Variants in MTA2 observed in about 807,000 individuals in gnomAD.
MTA2 encodes the protein metastasis associated 1 family member 2.
MTA2 carries 22 observed loss-of-function variants against 87.1 expected under a neutral mutation model. The observed-to-expected ratio is 0.25, with a 90% CI of 0.18 to 0.36. The LOEUF (loss-of-function observed/expected upper bound fraction) is 0.36. MTA2 is among the 10% of genes least tolerant of loss of function. The pLI is 1.00. For synonymous variants in MTA2, 314 were observed against 310.1 expected (o/e 1.01, Z -0.13); for missense variants, 542 against 853.2 (o/e 0.64, Z 4.54).
chr11:62,597,577 CCAG>C (rs1565044911), intron 7 of MTA2, 30 bp downstream of exon 7: 4 of 1,595,422 alleles, frequency 2.5e-6, no homozygotes, highest in Non-Finnish European at 3.4e-6. Flanking sequence ...CACACCTCCC[CCAG>C]CCCATCTTCC....
chr11:62,598,286 T>C (rs1338235031), intron 5 of MTA2, 41 bp downstream of exon 5: 3 of 1,602,418 alleles, frequency 1.9e-6, no homozygotes, highest in East Asian at 4.5e-5. Context: ...TTGCGGGCAA[T>C]ACCCATTCCC....
rs1423999876 is a variant in MTA2 at position 62,595,912 on chromosome 11, G to A, written c.1115-21C>T. ...TGTGGCTGTAGAGTACGGAGAGGAG[G>A]GGGACAGGGAAGAAGCATACTACCT... On this transcript the variant is annotated intron_variant, in intron 12 of 17. Coordinates refer to ENST00000278823, the MANE Select transcript of MTA2 (RefSeq NM_004739.4). This position sits in a 1 kb window ranked among gnomAD's most constrained non-coding sequence, Gnocchi z 4.9. 11 of 1,614,080 alleles carry A rather than the reference G, an allele frequency of 6.8e-6. No individual in the cohort carries two copies. The highest frequency in any genetic ancestry group is 3.3e-4 in the Middle Eastern group (2 of 6,062).
chr11:62,601,537 G>A lies in MTA2; in HGVS notation c.-87C>T, dbSNP rs986573682. On this transcript the variant is annotated 5_prime_UTR_variant, in exon 1 of 18. Coordinates refer to ENST00000278823, the MANE Select transcript of MTA2 (RefSeq NM_004739.4). ...CTCGGCTCGAGGCAAAGCCCCGAAC[G>A]GTGGGCTGCCGCTTCGAGGGAGTCT... 1.0e-5 allele frequency: 15 copies of A among 1,483,866 alleles called. No homozygotes were observed. The highest frequency in any genetic ancestry group is 1.4e-5 in the Non-Finnish European group (15 of 1,104,692). The allele number at this position is 1,483,866 out of a possible 1,614,324, so 91.9% of individuals were successfully genotyped here. A position where few individuals can be genotyped will look rare whatever the true frequency, so the allele number is the denominator to read the frequency against.
At position 62,597,653 on chromosome 11, in the gene MTA2, G is replaced by A. The variant is rs1431591808; in HGVS notation, c.550C>T (p.Pro184Ser). Residue 184 changes from proline (P) to serine (S), a missense_variant, in exon 7 of 18, where the codon CCT (proline) becomes TCT (serine). This residue lies in a region of MTA2 where 150 missense variants were observed against 243.9 expected (regional missense o/e 0.62). Transcript: ENST00000278823. ...TGGTCGATCTGCCGGTCTGTGAGAG[G>A]GTTGTCTGGGTCCCAGACCTTCATC... ...MEMKVWDPDN[P>S]LTDRQIDQFL... 6.2e-7 allele frequency: 1 copy of A among 1,614,054 alleles called. No individual in the cohort carries two copies. The highest frequency in any genetic ancestry group is 1.7e-5 in the Admixed American group (1 of 59,996).
In MTA2 at chr11:62,593,553, AG is replaced by A. The variant is rs1565042582; in HGVS notation, c.*321del. On this transcript the variant is annotated 3_prime_UTR_variant, in exon 18 of 18. Coordinates refer to ENST00000278823, the MANE Select transcript of MTA2 (RefSeq NM_004739.4). Reference sequence around the variant, plus strand: ...TTCCCCTCCCCATCCCCTTTCACAAAGGGAGGCAAAATTTTTAAAAAATTAA... The same window carrying A: ...TTCCCCTCCCCATCCCCTTTCACAAAGGAGGCAAAATTTTTAAAAAATTAA... 1 of 210,070 alleles carries A rather than the reference AG, an allele frequency of 4.8e-6. No homozygotes were observed. Among genetic ancestry groups the A allele is most frequent in the East Asian group, 1.4e-4 (1 of 7,220 alleles). 13.0% of individuals were successfully genotyped at this position (210,070 alleles called of 1,614,324 possible).
rs888266443 is a variant in MTA2 at position 62,594,630 on chromosome 11, G to A, written c.1578C>T (p.Ala526=). 1 of 1,613,108 alleles carries A rather than the reference G, an allele frequency of 6.2e-7. No homozygotes were observed. Among genetic ancestry groups the A allele is most frequent in the Non-Finnish European group, 8.5e-7 (1 of 1,179,714 alleles). Reference sequence around the variant, plus strand: ...GTGTTTTTGGTTTCAGGGGTGCCTGGGCCACTGGAAAAAAACAGAAAACTT... The same window carrying A: ...GTGTTTTTGGTTTCAGGGGTGCCTGAGCCACTGGAAAAAAACAGAAAACTT... The part of the protein sequence containing the change: ...PLATIVKDLV[A]QAPLKPKTPR... Residue 526 remains alanine, a synonymous_variant, in exon 16 of 18, where the codon GCC becomes GCT. Transcript: ENST00000278823.
rs1942072849 is a variant in MTA2, at chr11:62,594,640, A to G, written c.1574-6T>C. On this transcript the variant is annotated splice_polypyrimidine_tract_variant and splice_region_variant and intron_variant, in intron 15 of 17. Transcript: ENST00000278823. ...TTTCAGGGGTGCCTGGGCCACTGGA[A>G]AAAAACAGAAAACTTTCGCACCTTT... The G allele has an allele frequency of 6.2e-7, 1 of 1,612,690 alleles. No homozygotes were observed. Among genetic ancestry groups the G allele is most frequent in the African/African-American group, 1.3e-5 (1 of 74,900 alleles).
chr11:62,598,245 C>G (rs926059748), intron 5 of MTA2, 82 bp downstream of exon 5: 1 of 1,560,508 alleles, frequency 6.4e-7, no homozygotes, highest in African/African-American at 1.4e-5. Context: ...CAACCCTGTA[C>G]CTCATCATTG....
rs989567117 is a variant in MTA2 at position 62,601,239 on chromosome 11, C to T, written c.28+184G>A. The T allele has an allele frequency of 9.5e-6, 7 of 740,064 alleles. No homozygotes were observed. The African/African-American group carries it at 1.3e-4, about 14-fold the overall frequency. 45.8% of individuals were successfully genotyped at this position (740,064 alleles called of 1,614,324 possible). ...GCCCGCAGCTTCTCTCTGGGAGTCT[C>T]GGAGCCCTGCCGCGTCGCGGTTCCC... On this transcript the variant is annotated intron_variant, in intron 1 of 17. Transcript: ENST00000278823.
At chr11:62,597,202 CAA>C in intron 8 of MTA2, 112 bp downstream of exon 8, 1 of 732,774 alleles carries the variant, frequency 1.4e-6, no homozygotes, top group South Asian at 1.9e-5. Flanking sequence ...CAAAACAAAA[CAA>C]ACAAAAAAAA....
rs1942094026 is a variant in MTA2 at position 62,596,015 on chromosome 11, C to T, written c.1109G>A (p.Cys370Tyr). ...CCAGTGCCCCCGTAACTCACTGTGG[C>T]AACTCTCACAAGTCAGGCCCTTCTG... Reference protein sequence around the residue: ...GFQKGLTCESCHTTQSAQWYA... With the variant: ...GFQKGLTCESYHTTQSAQWYA... Residue 370 changes from cysteine (C) to tyrosine (Y), a missense_variant, in exon 12 of 18, where the codon TGC becomes TAC. By Grantham distance (194) the Cys-to-Tyr change is radical (BLOSUM62 -2). Around this residue, in one of 6 missense-constraint regions of MTA2, gnomAD observed 46 missense variants for 109.1 expected, o/e 0.42. Transcript: ENST00000278823. The T allele has an allele frequency of 6.2e-7, 1 of 1,614,178 alleles. No homozygotes were observed. Among genetic ancestry groups the T allele is most frequent in the Non-Finnish European group, 8.5e-7 (1 of 1,180,022 alleles).
At chr11:62,598,223 C>A (rs1942125915) in intron 5 of MTA2, 82 bp from the exon 6 acceptor site, 1 of 1,565,138 alleles carries the variant, frequency 6.4e-7, no homozygotes, top group Non-Finnish European at 8.8e-7. Context: ...GTTTCCATGA[C>A]CGGCAGTCTG....
In MTA2 at chr11:62,601,015, GC is replaced by G. The variant is rs1942182882; in HGVS notation, c.29-327del. On this transcript the variant is annotated intron_variant, in intron 1 of 17. Coordinates refer to ENST00000278823, the MANE Select transcript of MTA2 (RefSeq NM_004739.4). ...AAGTAATTGTCCGCTCTAGCGCAGG[GC>G]CCCTACCTTTTCGAATCGAGGCGCA... 14 of 489,834 alleles carry G rather than the reference GC, an allele frequency of 2.9e-5. No individual in the cohort carries two copies. The South Asian group carries it at 3.6e-4, about 12-fold the overall frequency. The allele number at this position is 489,834 out of a possible 1,614,324, so 30.3% of individuals were successfully genotyped here.
In MTA2 at chr11:62,601,402, A is replaced by G. The variant is rs760518160; in HGVS notation, c.28+21T>C. ...CAACCTCTCCCGCCCCGGGCCCCGT[A>G]TCCCTGCGCCCGGTACTCACCTCCC... On this transcript the variant is annotated intron_variant, in intron 1 of 17. Transcript: ENST00000278823. 50 of 1,609,280 alleles carry G rather than the reference A, an allele frequency of 3.1e-5. No homozygotes were observed. The South Asian group carries it at 4.9e-4, about 16-fold the overall frequency.
At position 62,598,342 on chromosome 11, in the gene MTA2, C is replaced by A. The variant is rs774275195; in HGVS notation, c.357G>T (p.Gln119His). 1.2e-6 allele frequency: 2 copies of A among 1,614,128 alleles called. No individual in the cohort carries two copies. The highest frequency in any genetic ancestry group is 2.7e-5 in the African/African-American group (2 of 75,014). Residue 119 changes from glutamine to histidine, a missense_variant, in exon 5 of 18, where the codon CAG becomes CAT. Physicochemically the swap from Gln to His is conservative, Grantham distance 24 (BLOSUM62 0). This residue lies in a region of MTA2 where 150 missense variants were observed against 243.9 expected (regional missense o/e 0.62). Transcript: ENST00000278823. ...TLLNETDILS[Q>H]YLEKEDCFFY... ...TCTTTCTCACCTCCTTTTCCAGGTA[C>A]TGGCTCAAGATATCTGTCTCATTCA...
chr11:62,601,101 C>T (rs993867959), intron 1 of MTA2: 1 of 517,720 alleles, frequency 1.9e-6, no homozygotes, highest in Non-Finnish European at 3.4e-6. Context: ...AAAGCCGTCG[C>T]CCCAGCCCCT....
chr11:62,599,366 C>T (rs900106700), intron 3 of MTA2: 1 of 152,356 alleles, frequency 6.6e-6, no homozygotes, highest in Non-Finnish European at 1.5e-5. Context: ...TGTGCTGAGG[C>T]AAGGGGGACC....
chr11:62,600,020 A>T, intron 3 of MTA2, 146 bp downstream of exon 3: 1 of 664,334 alleles, frequency 1.5e-6, no homozygotes, highest in Middle Eastern at 4.2e-4. Flanking sequence ...AACATGTAAA[A>T]ACAGGCCTCC....
chr11:62,601,806 C>G lies in MTA2; in HGVS notation c.-356G>C. 1 of 501,958 alleles carries G rather than the reference C, an allele frequency of 2.0e-6. No homozygotes were observed. Among genetic ancestry groups the G allele is most frequent in the East Asian group, 3.5e-5 (1 of 28,414 alleles). 31.1% of individuals were successfully genotyped at this position (501,958 alleles called of 1,614,324 possible). ...GGCCGCAGGGAAGGCTTGCCGGGCC[C>G]GCCTCAGGGTTCGCCTCCTTCCGGA... is the stretch of plus-strand genomic sequence containing the variant. On this transcript the variant is annotated 5_prime_UTR_variant, in exon 1 of 18. Transcript: ENST00000278823.
Sources: gnomAD v4.1 joint callset for allele counts on GRCh38, gnomAD v4.1.1 for gene constraint, gnomAD v4.1.1 regional missense constraint, Gnocchi (gnomAD v3.1) non-coding constraint, MANE v1.5 for transcripts, NCBI Gene and HGNC (gene_info 2026-07-23, HGNC 2026-07-21) for gene names.